Variants in SPOCK1 observed in about 807,000 individuals in gnomAD.
SPOCK1 encodes testican-1.
In SPOCK1, 23 loss-of-function variants were observed where a neutral mutation model predicts 55.3. The observed-to-expected ratio is 0.42, with a 90% CI of 0.30 to 0.59. The LOEUF (loss-of-function observed/expected upper bound fraction) is 0.59. Among genes scored for constraint, SPOCK1 ranks in the 20% least tolerant of loss-of-function variants. The pLI, the probability that SPOCK1 is intolerant of heterozygous loss-of-function variation, is 0.22. For synonymous variants in SPOCK1, 226 were observed against 221.0 expected, an observed-to-expected ratio of 1.02 and a Z score of -0.20; for missense variants, 499 against 552.5, an observed-to-expected ratio of 0.90 and a Z score of 0.97.
chr5:137,483,642 G>T (rs962284152), intron 2 of SPOCK1, among the ~76,000 whole-genome samples: 2 of 152,196 alleles, frequency 1.3e-5, no homozygotes, highest in Non-Finnish European at 1.5e-5. Flanking sequence ...TGACCCTAGT[G>T]ACAATTTATT....
At chr5:137,406,562 T>A (rs540865405) in intron 2 of SPOCK1, among the ~76,000 whole-genome samples, 3 of 152,326 alleles carry the variant, frequency 2.0e-5, no homozygotes, top group African/African-American at 7.2e-5. Flanking sequence ...GCCCTTCTAC[T>A]TAGAAGTCTT....
chr5:137,421,890 C>G (rs1413637810), intron 2 of SPOCK1, among the ~76,000 whole-genome samples: 1 of 152,192 alleles, frequency 6.6e-6, no homozygotes, highest in Non-Finnish European at 1.5e-5. Flanking sequence ...TTCTTCCCAG[C>G]CTCAATGGTC....
intron 5 of SPOCK1, among the ~76,000 whole-genome samples, chr5:137,074,309 A>G (rs1023704319): frequency 2.0e-5 from 3 of 152,226 alleles, no homozygotes; most frequent in African/African-American, 7.2e-5. Flanking sequence ...AATGTGAACT[A>G]TATGCTAGGT....
chr5:137,079,374 C>T (rs964743270), intron 5 of SPOCK1, among the ~76,000 whole-genome samples: 4 of 152,322 alleles, frequency 2.6e-5, no homozygotes, highest in African/African-American at 9.6e-5. Context: ...GCTGAACAAT[C>T]GACACAGCTC....
At position 137,046,319 on chromosome 5, in the gene SPOCK1, C is replaced by G. The variant is rs200351849; in HGVS notation, c.589+21396G>C. Among the ~76,000 whole-genome samples the G allele has an allele frequency of 9.8e-3, 1,325 of 134,594 alleles. 32 individuals carry two copies. In the East Asian group the frequency reaches 0.12, roughly 12 times the overall value. The allele number at this position is 134,594 out of a possible 152,430, so 88.3% of individuals were successfully genotyped here. A position where few individuals can be genotyped will look rare whatever the true frequency, so the allele number is the denominator to read the frequency against. On this transcript the variant is annotated intron_variant, in intron 6 of 10. Transcript: ENST00000394945. ...ATTTGTTTGTGTCCTCTTTTATTTC[C>G]TTGAGCAGTGGTTTGTAGTTCTCCT...
intron 2 of SPOCK1, among the ~76,000 whole-genome samples, chr5:137,452,736 C>T (rs769321697): frequency 1.1e-4 from 16 of 152,190 alleles, no homozygotes; most frequent in Admixed American, 3.3e-4. Context: ...GCTATAGTTT[C>T]CCTTTTGCTT....
intron 2 of SPOCK1, among the ~76,000 whole-genome samples, chr5:137,438,817 G>T (rs1274341726): frequency 6.6e-6 from 1 of 152,212 alleles, no homozygotes; most frequent in African/African-American, 2.4e-5. Flanking sequence ...AGACTAGACA[G>T]ACTCCCCAAT....
chr5:137,490,719 C>T (rs1003459281), intron 2 of SPOCK1, among the ~76,000 whole-genome samples: 1 of 152,176 alleles, frequency 6.6e-6, no homozygotes, highest in Non-Finnish European at 1.5e-5. Flanking sequence ...CATACAAACC[C>T]CCTCCCAGTT....
intron 8 of SPOCK1, among the ~76,000 whole-genome samples, chr5:136,987,055 T>A (rs1017239043): frequency 8.5e-4 from 128 of 150,696 alleles, no homozygotes; most frequent in African/African-American, 3.0e-3. Context: ...CTGATTTATT[T>A]TATATATATA....
intron 6 of SPOCK1, among the ~76,000 whole-genome samples, chr5:137,037,878 G>A (rs1481884332): frequency 6.6e-6 from 1 of 152,228 alleles, no homozygotes; most frequent in Non-Finnish European, 1.5e-5. Context: ...AATGCAGCCA[G>A]TAGCTGCATT....
chr5:137,198,661 C>T (rs1191723017), intron 3 of SPOCK1, among the ~76,000 whole-genome samples: 1 of 152,128 alleles, frequency 6.6e-6, no homozygotes, highest in African/African-American at 2.4e-5. Context: ...TTTGTAAATG[C>T]TTTTTATATA....
At chr5:137,055,256 G>T (rs892511196) in intron 6 of SPOCK1, among the ~76,000 whole-genome samples, 6 of 152,198 alleles carry the variant, frequency 3.9e-5, no homozygotes, top group Non-Finnish European at 5.9e-5. Context: ...CATAGGACCT[G>T]GGCACAGAAC....
intron 2 of SPOCK1, among the ~76,000 whole-genome samples, chr5:137,334,887 T>G (rs1257863320): frequency 1.4e-5 from 2 of 145,534 alleles, no homozygotes; most frequent in African/African-American, 5.5e-5. Flanking sequence ...TATTTGCACT[T>G]TGGTGTTGCA....
At chr5:137,285,396 A>G (rs773933427) in intron 2 of SPOCK1, among the ~76,000 whole-genome samples, 9 of 152,222 alleles carry the variant, frequency 5.9e-5, no homozygotes, top group Non-Finnish European at 1.0e-4. Flanking sequence ...CACAGCTAAA[A>G]TCTACCTGGA....
At chr5:137,148,998 A>G (rs1754258730) in intron 3 of SPOCK1, among the ~76,000 whole-genome samples, 1 of 152,256 alleles carries the variant, frequency 6.6e-6, no homozygotes, top group Non-Finnish European at 1.5e-5. Flanking sequence ...CCTGTGAAAA[A>G]AAAAGATTGA....
intron 2 of SPOCK1, among the ~76,000 whole-genome samples, chr5:137,341,508 C>A (rs1247886803): frequency 6.6e-6 from 1 of 152,202 alleles, no homozygotes; most frequent in Non-Finnish European, 1.5e-5. Flanking sequence ...TGAAATATGT[C>A]ACTTGGCTTT....
At chr5:137,280,174 A>G (rs1222940004) in intron 2 of SPOCK1, among the ~76,000 whole-genome samples, 1 of 152,210 alleles carries the variant, frequency 6.6e-6, no homozygotes, top group African/African-American at 2.4e-5. Flanking sequence ...CTTTTAAAAT[A>G]AAAACTCTCC....
intron 2 of SPOCK1, among the ~76,000 whole-genome samples, chr5:137,399,525 A>C (rs2127183253): frequency 6.6e-6 from 1 of 152,254 alleles, no homozygotes; most frequent in South Asian, 2.1e-4. Flanking sequence ...AGTATTAAAA[A>C]AAAAAACAAC....
At chr5:137,331,998 C>T (rs965298914) in intron 2 of SPOCK1, among the ~76,000 whole-genome samples, 1 of 152,176 alleles carries the variant, frequency 6.6e-6, no homozygotes, top group Non-Finnish European at 1.5e-5. Flanking sequence ...GATCACATCG[C>T]TCCCCCACAT....
Sources: allele counts gnomAD v4.1 joint callset (sites outside exome capture counted in the v4.1 genomes callset), GRCh38; gene constraint gnomAD v4.1.1; transcripts MANE v1.5; gene names NCBI Gene and HGNC (gene_info 2026-07-23, HGNC 2026-07-21).